N4BP2: variants seen among roughly 807,000 people sequenced by gnomAD.
N4BP2 encodes NEDD4 binding protein 2, also known as NEDD4-binding protein 2.
A neutral mutation model predicts 152.8 loss-of-function variants in N4BP2; 91 were observed. That is an observed-to-expected ratio of 0.60 (90% confidence interval 0.50 to 0.71). N4BP2 has a LOEUF of 0.71. N4BP2 is among the 30% of genes least tolerant of loss of function. The pLI, the probability that N4BP2 is intolerant of heterozygous loss-of-function variation, is 0.00. For missense variants in N4BP2, 1,923 were observed against 2,059.1 expected, an observed-to-expected ratio of 0.93 and a Z score of 1.28; for synonymous variants, 646 against 705.3, an observed-to-expected ratio of 0.92 and a Z score of 1.33.
chr4:40,105,820 G>C (rs1167137093), intron 4 of N4BP2, among the ~76,000 whole-genome samples: 2 of 152,040 alleles, frequency 1.3e-5, no homozygotes, highest in East Asian at 3.9e-4. Context: ...CAAAGTGCTG[G>C]GACTATAGGC....
intron 15 of N4BP2, among the ~76,000 whole-genome samples, chr4:40,143,390 T>G (rs1184161151): frequency 2.6e-5 from 4 of 152,300 alleles, no homozygotes; most frequent in Non-Finnish European, 5.9e-5. Flanking sequence ...CTCCGCTAAC[T>G]GCAGCCTTGA....
At chr4:40,114,210 C>A (rs1184073748) in intron 7 of N4BP2, among the ~76,000 whole-genome samples, 1 of 152,116 alleles carries the variant, frequency 6.6e-6, no homozygotes, top group Admixed American at 6.5e-5. Flanking sequence ...ATAGAGATAG[C>A]CCTAACTTCA....
In N4BP2 at chr4:40,112,135, AC is replaced by A. The variant is rs1458116619; in HGVS notation, c.1552del (p.Leu518TyrfsTer6). On this transcript the variant is annotated frameshift_variant, in exon 6 of 18. Transcript: ENST00000261435. LOFTEE classifies it high-confidence loss of function. ...TCTCCTATAATTATAGATAATACAAACCTACAGGCATGGGAAATGAAACCAT... is the reference window on the plus strand; with the variant it reads ...TCTCCTATAATTATAGATAATACAAACTACAGGCATGGGAAATGAAACCAT... ...KISPIIIDNT[N>X]LQAWEMKPYV... The A allele has an allele frequency of 2.5e-6, 4 of 1,578,882 alleles. No individual in the cohort carries two copies. Among genetic ancestry groups the A allele is most frequent in the African/African-American group, 1.4e-5 (1 of 73,342 alleles).
At chr4:40,175,465 C>A in the N4BP2 span, among the ~76,000 whole-genome samples, 3 of 151,836 alleles carry the variant, frequency 2.0e-5, no homozygotes, top group Admixed American at 2.0e-4. Context: ...TGGGATGAAC[C>A]AGTCTGGAGA....
At chr4:40,123,342 AAT>A (rs903983210) in intron 10 of N4BP2, 130 bp downstream of exon 10, 1 of 563,612 alleles carries the variant, frequency 1.8e-6, no homozygotes, top group Non-Finnish European at 3.2e-6. Flanking sequence ...AGTTCTATTG[AAT>A]TTTGACTTTG....
intron 2 of N4BP2, among the ~76,000 whole-genome samples, chr4:40,089,688 C>T (rs1041317253): frequency 6.6e-6 from 1 of 152,066 alleles, no homozygotes; most frequent in Non-Finnish European, 1.5e-5. Flanking sequence ...CTGCATGCCT[C>T]AGCCTCCCAA....
rs527542810 is a variant in N4BP2, at chr4:40,060,755, G to T, written c.-212+3725G>T. ...GTAGCTGGGAGTATAGGCACATACC[G>T]CTGTGCCTGGCTCATTTTTAAAATT... On this transcript the variant is annotated intron_variant, in intron 1 of 17. Transcript: ENST00000261435. Among the ~76,000 whole-genome samples, 371 of 151,752 alleles carry T rather than the reference G, an allele frequency of 2.4e-3. 1 individual carries two copies. The highest frequency in any genetic ancestry group is 6.9e-3 in the African/African-American group (286 of 41,304).
chr4:40,111,105 T>C (rs1165853930), intron 5 of N4BP2, among the ~76,000 whole-genome samples: 1 of 152,202 alleles, frequency 6.6e-6, no homozygotes, highest in Non-Finnish European at 1.5e-5. Context: ...TTTTTAAACT[T>C]TATTTTTGAA....
In N4BP2 at chr4:40,157,906, A is replaced by G. The variant is rs1339180995; in HGVS notation, c.*3669A>G. ...GCTAGAACACATCTACATCCTGAAG[A>G]GCCGTTTATAACTTCATATTATATG... On this transcript the variant is annotated 3_prime_UTR_variant, in exon 18 of 18. Coordinates refer to ENST00000261435, the MANE Select transcript of N4BP2 (RefSeq NM_018177.6). 6.6e-6 allele frequency: 1 copy of G among 152,152 alleles called. No individual in the cohort carries two copies. Among genetic ancestry groups the G allele is most frequent in the Non-Finnish European group, 1.5e-5 (1 of 68,006 alleles). The allele number at this position is 152,152 out of a possible 1,614,324, so 9.4% of individuals were successfully genotyped here.
intron 2 of N4BP2, among the ~76,000 whole-genome samples, chr4:40,074,786 C>T (rs1306237008): frequency 4.6e-5 from 7 of 151,942 alleles, no homozygotes; most frequent in Non-Finnish European, 1.0e-4. Flanking sequence ...GCAGGCAGAT[C>T]ACTTGAGGCC....
At chr4:40,184,820 G>A in the N4BP2 span, among the ~76,000 whole-genome samples, 1 of 152,092 alleles carries the variant, frequency 6.6e-6, no homozygotes, top group Non-Finnish European at 1.5e-5. Context: ...TCTGGGCGTG[G>A]TGGCACACAT....
the N4BP2 span, among the ~76,000 whole-genome samples, chr4:40,170,901 T>G: frequency 3.9e-5 from 6 of 152,324 alleles, no homozygotes; most frequent in African/African-American, 1.4e-4. Flanking sequence ...TGGTTCCTCT[T>G]TGATATGTTG....
intron 14 of N4BP2, among the ~76,000 whole-genome samples, chr4:40,137,862 C>G (rs1172879757): frequency 6.6e-6 from 1 of 152,130 alleles, no homozygotes; most frequent in Non-Finnish European, 1.5e-5. Context: ...TAGGGACTTC[C>G]CCTGGTTGTC....
In N4BP2 at chr4:40,113,502, T is replaced by A. The variant is rs776030440; in HGVS notation, c.1658T>A (p.Leu553His). Residue 553 changes from leucine (L) to histidine (H), a missense_variant, in exon 7 of 18, where the codon CTT (leucine) becomes CAT (histidine). Leu to His is a moderately conservative substitution (Grantham distance 99). Transcript: ENST00000261435. ...TGGTGGAAGTTTAAACCAAAGGAAC[T>A]TGCAAGGTAAAACTTGGAGGCTACC... The part of the protein sequence containing the change: ...DTWWKFKPKE[L>H]ARRNIHGVSK... The A allele has an allele frequency of 1.4e-5, 23 of 1,612,038 alleles. No individual in the cohort carries two copies. Among genetic ancestry groups the A allele is most frequent in the Non-Finnish European group, 1.7e-5 (20 of 1,178,528 alleles).
rs772024668 is a variant in N4BP2, at chr4:40,154,200, A to G, written c.5276A>G (p.Glu1759Gly). ...TTTTCTCATTTCTGCAGGTTCTCTG[A>G]AATTAAACCAGGGTGCTTGAAAGTC... is the stretch of plus-strand genomic sequence containing the variant. ...YLISHSFRFSEIKPGCLKVML... is the reference protein window; with the variant it reads ...YLISHSFRFSGIKPGCLKVML... The change falls in exon 18 of 18, where the codon GAA becomes GGA. Residue 1759 changes from glutamate to glycine, a missense_variant. Physicochemically the swap from Glu to Gly is moderately conservative, Grantham distance 98. Transcript: ENST00000261435. The G allele has an allele frequency of 4.1e-5, 65 of 1,602,504 alleles. No homozygotes were observed. In the South Asian group the frequency reaches 4.7e-4, roughly 12 times the overall value.
At chr4:40,101,065 T>C (rs1038038761) in intron 3 of N4BP2, among the ~76,000 whole-genome samples, 9 of 152,220 alleles carry the variant, frequency 5.9e-5, no homozygotes, top group Non-Finnish European at 1.2e-4. Flanking sequence ...AATCTTCAAG[T>C]CCCAGTTCAC....
chr4:40,135,442 A>C (rs1022174312), intron 13 of N4BP2, among the ~76,000 whole-genome samples: 1 of 152,090 alleles, frequency 6.6e-6, no homozygotes. Flanking sequence ...AGCATGATTT[A>C]TAGTCCTTTG....
At chr4:40,140,773 T>C (rs1390839005) in intron 14 of N4BP2, among the ~76,000 whole-genome samples, 1 of 151,904 alleles carries the variant, frequency 6.6e-6, no homozygotes, top group Non-Finnish European at 1.5e-5. Context: ...CACTTGAGAT[T>C]AGGGAGTGGT....
intron 15 of N4BP2, among the ~76,000 whole-genome samples, chr4:40,143,091 G>A (rs1164017046): frequency 1.3e-5 from 2 of 152,084 alleles, no homozygotes; most frequent in Admixed American, 6.5e-5. Flanking sequence ...TGCATTTACT[G>A]CTTATGTGAA....
Sources: gnomAD v4.1 joint callset for allele counts (sites outside exome capture counted in the v4.1 genomes callset) on GRCh38, gnomAD v4.1.1 for gene constraint, MANE v1.5 for transcripts, NCBI Gene and HGNC (gene_info 2026-07-23, HGNC 2026-07-21) for gene names.